The following UNC119B variants were observed in gnomAD, a reference collection of about 807,000 sequenced individuals.
The protein encoded by UNC119B is unc-119 lipid binding chaperone B.
In UNC119B, 16 loss-of-function variants were observed where a neutral mutation model predicts 23.4. That is an observed-to-expected ratio of 0.68 (90% CI 0.46 to 1.04). The LOEUF is 1.04. UNC119B is among the 50% of genes least tolerant of loss of function. UNC119B has a pLI of 0.00. For missense variants in UNC119B, 350 were observed against 361.3 expected, an observed-to-expected ratio of 0.97 and a Z score of 0.25; for synonymous variants, 144 against 145.4, an observed-to-expected ratio of 0.99 and a Z score of 0.07.
Position 120,717,062 on chromosome 12 carries a change from TACAGC to T in UNC119B, c.643+23_643+27del, listed in dbSNP as rs1328865674. The stretch of plus-strand genomic sequence containing the variant: ...ATGTCAGTATGTATCCCCTGACCCT[TACAGC>T]ACTCTAGATTCTGAGGGCTACAAGG... On this transcript the variant is annotated intron_variant, in intron 4 of 4. Coordinates refer to ENST00000344651, the MANE Select transcript of UNC119B (RefSeq NM_001080533.3). 5 of 1,545,800 alleles carry T rather than the reference TACAGC, an allele frequency of 3.2e-6. No individual in the cohort carries two copies. The highest frequency in any genetic ancestry group is 3.5e-6 in the Non-Finnish European group (4 of 1,145,726).
rs1393871811 is a variant in UNC119B at position 120,721,590 on chromosome 12, CCCCGAACCTTGG to C, written c.*1562_*1573del. On this transcript the variant is annotated 3_prime_UTR_variant, in exon 5 of 5. Transcript: ENST00000344651. ...CCTGTGTGGGCTTTAGGGCGAGTGG[CCCCGAACCTTGG>C]CCCAGTGCTTTGTCCCAGGCCAGAG... The C allele has an allele frequency of 4.6e-5, 7 of 152,842 alleles. No homozygotes were observed. Among genetic ancestry groups the C allele is most frequent in the African/African-American group, 1.7e-4 (7 of 41,588 alleles). 9.5% of individuals were successfully genotyped at this position (152,842 alleles called of 1,614,324 possible). A position where few individuals can be genotyped will look rare whatever the true frequency, so the allele number is the denominator to read the frequency against.
rs1306347302 is a variant in UNC119B at position 120,720,983 on chromosome 12, G to C, written c.*951G>C. The C allele has an allele frequency of 6.6e-6, 1 of 152,236 alleles. No individual in the cohort carries two copies. Among genetic ancestry groups the C allele is most frequent in the African/African-American group, 2.4e-5 (1 of 41,452 alleles). The allele number at this position is 152,236 out of a possible 1,614,324, so 9.4% of individuals were successfully genotyped here. A position where few individuals can be genotyped will look rare whatever the true frequency, so the allele number is the denominator to read the frequency against. ...GGGCTAATCTGGCTTATGTTGGGAG[G>C]ATATGCTTACGAATCAGCAGCAGCT... On this transcript the variant is annotated 3_prime_UTR_variant, in exon 5 of 5. Transcript: ENST00000344651.
intron 4 of UNC119B, among the ~76,000 whole-genome samples, chr12:120,717,509 G>A (rs995627213): frequency 6.7e-6 from 1 of 149,734 alleles, no homozygotes; most frequent in Non-Finnish European, 1.5e-5. Flanking sequence ...CACTCTCCTC[G>A]GCCTCCCACA....
At chr12:120,713,951 C>G (rs370330082) in intron 2 of UNC119B, among the ~76,000 whole-genome samples, 43 of 152,300 alleles carry the variant, frequency 2.8e-4, no homozygotes, top group East Asian at 2.1e-3. Context: ...TCTGGAAGAA[C>G]AGACCCAGGA....
At chr12:120,715,759 C>T (rs2136930887) in intron 2 of UNC119B, among the ~76,000 whole-genome samples, 1 of 152,260 alleles carries the variant, frequency 6.6e-6, no homozygotes, top group East Asian at 1.9e-4. Flanking sequence ...TCTTGAACTC[C>T]TGACCTCAGG....
rs377665659 is a variant in UNC119B, at chr12:120,720,533, C to T, written c.*501C>T. 1.3e-5 allele frequency: 2 copies of T among 153,524 alleles called. No individual in the cohort carries two copies. Among genetic ancestry groups the T allele is most frequent in the African/African-American group, 4.8e-5 (2 of 41,570 alleles). 9.5% of individuals were successfully genotyped at this position (153,524 alleles called of 1,614,324 possible). ...CCCTCGGTCTGTGTGAAGTCTTAAA[C>T]CAACTGGAAGACACTTGAAAGGGTG... On this transcript the variant is annotated 3_prime_UTR_variant, in exon 5 of 5. Transcript: ENST00000344651.
In UNC119B at chr12:120,710,707, G is replaced by T. The variant is rs1882644650; in HGVS notation, c.233G>T (p.Arg78Leu). Residue 78 changes from arginine to leucine, a missense_variant, in exon 1 of 5, where the codon CGG becomes CTG. Coordinates refer to ENST00000344651, the MANE Select transcript of UNC119B (RefSeq NM_001080533.3). ...CCCGAGCACGTCCTGCGCCTCAGCC[G>T]GGTCACCGAGAGTGAGTGCCGCGCG... ...IRPEHVLRLS[R>L]VTENYLCKPE... 7.0e-7 allele frequency: 1 copy of T among 1,424,644 alleles called. No homozygotes were observed. Among genetic ancestry groups the T allele is most frequent in the South Asian group, 1.4e-5 (1 of 71,654 alleles). The allele number at this position is 1,424,644 out of a possible 1,614,324, so 88.3% of individuals were successfully genotyped here.
At chr12:120,714,438 A>C (rs1178477376) in intron 2 of UNC119B, among the ~76,000 whole-genome samples, 1 of 152,042 alleles carries the variant, frequency 6.6e-6, no homozygotes, top group Non-Finnish European at 1.5e-5. Context: ...CTCCTGCCTC[A>C]GCCTCCCAAG....
At chr12:120,713,453 TTG>T in intron 2 of UNC119B, 66 bp downstream of exon 2, 1 of 1,226,904 alleles carries the variant, frequency 8.2e-7, no homozygotes, top group African/African-American at 1.5e-5. Flanking sequence ...ACTCAAATCT[TTG>T]TGTGCCACTG....
Position 120,718,110 on chromosome 12 carries a change from C to T in UNC119B, c.643+1068C>T, listed in dbSNP as rs11065224. Among the ~76,000 whole-genome samples, 2,863 of 152,182 alleles carry T rather than the reference C, an allele frequency of 0.019. 246 individuals carry two copies. The East Asian group carries it at 0.28, about 15-fold the overall frequency. On this transcript the variant is annotated intron_variant, in intron 4 of 4. Transcript: ENST00000344651. ...GTCCCAATCTCCTGACCTCGTGATC[C>T]GCCTGCTTCGGCCTCCCAAAGTGCT... is the stretch of plus-strand genomic sequence containing the variant.
chr12:120,717,041 C>T lies in UNC119B; in HGVS notation c.642C>T (p.Val214=). The change falls in exon 4 of 5, where the codon GTC becomes GTT. Residue 214 remains valine, a splice_region_variant and synonymous_variant. Transcript: ENST00000344651. ...AGTTTCCCCAGCTTTCGGAGGATGT[C>T]AGTATGTATCCCCTGACCCTTACAG... ...IYEFPQLSED[V]IRLMIENPYE... is the part of the protein sequence containing the mutation. 6.3e-7 allele frequency: 1 copy of T among 1,585,652 alleles called. No homozygotes were observed. The highest frequency in any genetic ancestry group is 8.6e-7 in the Non-Finnish European group (1 of 1,165,120).
intron 4 of UNC119B, among the ~76,000 whole-genome samples, 173 bp downstream of exon 4, chr12:120,717,215 T>A (rs1882800349): frequency 6.6e-6 from 1 of 152,200 alleles, no homozygotes; most frequent in African/African-American, 2.4e-5. Context: ...GCTCCTGTTC[T>A]AAACTCTGAC....
rs1882790705 is a variant in UNC119B, at chr12:120,716,865, T to C, written c.471-5T>C. On this transcript the variant is annotated splice_polypyrimidine_tract_variant and splice_region_variant and intron_variant, in intron 3 of 4. Coordinates refer to ENST00000344651, the MANE Select transcript of UNC119B (RefSeq NM_001080533.3). ...AAGTCGGGCTTACAGAGATTTATTT[T>C]CCAGGGTGGAGTTCACAGTGGGAGA... The C allele has an allele frequency of 1.9e-6, 3 of 1,607,418 alleles. No homozygotes were observed. Among genetic ancestry groups the C allele is most frequent in the Non-Finnish European group, 2.6e-6 (3 of 1,174,938 alleles).
Position 120,720,157 on chromosome 12 carries a change from G to T in UNC119B, c.*125G>T, listed in dbSNP as rs1318838311. On this transcript the variant is annotated 3_prime_UTR_variant, in exon 5 of 5. Transcript: ENST00000344651. ...CTGGCCCCAGGAAGCCAAGGCTGGG[G>T]TGGCAGTTTCCTGCGCGCCAAAGGA... 4 of 702,312 alleles carry T rather than the reference G, an allele frequency of 5.7e-6. No individual in the cohort carries two copies. Among genetic ancestry groups the T allele is most frequent in the Non-Finnish European group, 9.6e-6 (4 of 417,718 alleles). The allele number at this position is 702,312 out of a possible 1,614,324, so 43.5% of individuals were successfully genotyped here.
Position 120,720,743 on chromosome 12 carries a change from G to A in UNC119B, c.*711G>A, listed in dbSNP as rs1882879068. ...TGTTCCCATTTTGGAGGACAGACAA[G>A]CTTGCTCCACATCTCCTGGCTCCTC... On this transcript the variant is annotated 3_prime_UTR_variant, in exon 5 of 5. Coordinates refer to ENST00000344651, the MANE Select transcript of UNC119B (RefSeq NM_001080533.3). The A allele has an allele frequency of 6.6e-6, 1 of 152,274 alleles. No homozygotes were observed. The highest frequency in any genetic ancestry group is 2.4e-5 in the African/African-American group (1 of 41,470). 9.4% of individuals were successfully genotyped at this position (152,274 alleles called of 1,614,324 possible).
intron 4 of UNC119B, among the ~76,000 whole-genome samples, chr12:120,718,279 T>G (rs1566020597): frequency 6.6e-6 from 1 of 152,208 alleles, no homozygotes; most frequent in Non-Finnish European, 1.5e-5. Context: ...GCTGATCAGA[T>G]AAAGCACCTC....
intron 1 of UNC119B, 42 bp downstream of exon 1, chr12:120,710,760 C>G: frequency 1.5e-6 from 2 of 1,295,316 alleles, no homozygotes; most frequent in South Asian, 2.2e-5. Context: ...GCGCCGTGCC[C>G]CGGCTCCCGG....
At chr12:120,715,396 G>A (rs1350202395) in intron 2 of UNC119B, among the ~76,000 whole-genome samples, 1 of 151,996 alleles carries the variant, frequency 6.6e-6, no homozygotes. Flanking sequence ...AAGCAGAGAT[G>A]TTTGATGCTG....
In UNC119B at chr12:120,720,180, G is replaced by A. The variant is rs78686363; in HGVS notation, c.*148G>A. 0.031 allele frequency: 19,631 copies of A among 623,574 alleles called. 431 individuals carry two copies. Among genetic ancestry groups the A allele is most frequent in the South Asian group, 0.062 (3,177 of 51,180 alleles). The allele number at this position is 623,574 out of a possible 1,614,324, so 38.6% of individuals were successfully genotyped here. On this transcript the variant is annotated 3_prime_UTR_variant, in exon 5 of 5. Transcript: ENST00000344651. Reference sequence around the variant, plus strand: ...GGGTGGCAGTTTCCTGCGCGCCAAAGGAGCTGCCAAACAGTGCTGTGTTTT... The same window carrying A: ...GGGTGGCAGTTTCCTGCGCGCCAAAAGAGCTGCCAAACAGTGCTGTGTTTT...
Sources: gnomAD v4.1 joint callset for allele counts (sites outside exome capture counted in the v4.1 genomes callset) on GRCh38, gnomAD v4.1.1 for gene constraint, MANE v1.5 for transcripts, NCBI Gene and HGNC (gene_info 2026-07-23, HGNC 2026-07-21) for gene names.